RFX8: variants seen among roughly 807,000 people sequenced by gnomAD.
RFX8 encodes DNA-binding protein RFX8.
A neutral mutation model predicts 54.6 loss-of-function variants in RFX8; 46 were observed. The ratio of observed to expected loss-of-function variants is 0.84; its 90% CI spans 0.67 to 1.08. The LOEUF (loss-of-function observed/expected upper bound fraction) is 1.08. Ranked by LOEUF, RFX8 falls within the 50% of genes least tolerant of loss-of-function variation. The pLI is 0.00. For missense variants in RFX8, 536 were observed against 562.3 expected (o/e 0.95, Z 0.47); for synonymous variants, 192 against 209.5 (o/e 0.92, Z 0.72).
At chr2:101,423,943 A>T (rs988769902) in intron 2 of RFX8, among the ~76,000 whole-genome samples, 2 of 152,208 alleles carry the variant, frequency 1.3e-5, no homozygotes, top group Non-Finnish European at 2.9e-5. Context: ...TCTATACTTC[A>T]TAACTCTGTT....
At chr2:101,428,868 C>A in intron 2 of RFX8, 1 of 822,062 alleles carries the variant, frequency 1.2e-6, no homozygotes, top group Non-Finnish European at 2.0e-6. Context: ...GAAGAGTACG[C>A]ACAGAAAAAC....
chr2:101,463,411 T>C (rs933349188), intron 2 of RFX8, among the ~76,000 whole-genome samples: 3 of 152,136 alleles, frequency 2.0e-5, no homozygotes, highest in Admixed American at 6.5e-5. Flanking sequence ...GGCAGGGCTC[T>C]GGCAGGAGAG....
intron 1 of RFX8, among the ~76,000 whole-genome samples, chr2:101,467,949 C>T (rs537252724): frequency 1.3e-5 from 2 of 152,138 alleles, no homozygotes; most frequent in South Asian, 2.1e-4. Context: ...ACAGACAATA[C>T]GTCTCCTTGG....
At chr2:101,424,790 C>G (rs1207016713) in intron 2 of RFX8, among the ~76,000 whole-genome samples, 1 of 152,132 alleles carries the variant, frequency 6.6e-6, no homozygotes, top group Non-Finnish European at 1.5e-5. Context: ...ACTGCATGTT[C>G]TCACTCATAG....
chr2:101,428,845 C>T (rs749385140), intron 2 of RFX8: 4 of 693,084 alleles, frequency 5.8e-6, no homozygotes, highest in South Asian at 3.3e-5. Flanking sequence ...TGGTTAGGGG[C>T]TACCTAGAGT....
rs563002463 is a variant in RFX8, at chr2:101,422,235, C to T, written c.183+127G>A. ...AGCCAGGGAAGGTTGCTGGTCCTCA[C>T]GGGTCCAGCAAAGGCAAACATTATT... On this transcript the variant is annotated intron_variant, in intron 3 of 11. Transcript: ENST00000428343. The T allele has an allele frequency of 4.0e-5, 25 of 630,764 alleles. No individual in the cohort carries two copies. In the East Asian group the frequency reaches 4.5e-4, roughly 11 times the overall value. 39.1% of individuals were successfully genotyped at this position (630,764 alleles called of 1,614,324 possible). A position where few individuals can be genotyped will look rare whatever the true frequency, so the allele number is the denominator to read the frequency against.
At chr2:101,436,099 G>A (rs1260088784) in intron 2 of RFX8, among the ~76,000 whole-genome samples, 1 of 152,208 alleles carries the variant, frequency 6.6e-6, no homozygotes, top group Non-Finnish European at 1.5e-5. Flanking sequence ...GCAGACGGGT[G>A]TGGAGGGAGG....
chr2:101,442,962 ACACC>A (rs1184916182), intron 2 of RFX8, among the ~76,000 whole-genome samples: 1 of 152,124 alleles, frequency 6.6e-6, no homozygotes, highest in Non-Finnish European at 1.5e-5. Flanking sequence ...AGATCGGCTC[ACACC>A]CTCAGTATCT....
Position 101,446,268 on chromosome 2 carries a change from C to A in RFX8, c.72+20509G>T, listed in dbSNP as rs891339460. 3.7e-4 allele frequency among the ~76,000 whole-genome samples: 56 copies of A among 152,158 alleles called. 1 individual carries two copies. The highest frequency in any genetic ancestry group is 1.9e-4 in the East Asian group (1 of 5,186). Reference sequence around the variant, plus strand: ...TCAGCTCATTGCAGCCTCCACCTCCCAGGTTCAAGCGATTCTGCTGCCTCA... The same window carrying A: ...TCAGCTCATTGCAGCCTCCACCTCCAAGGTTCAAGCGATTCTGCTGCCTCA... On this transcript the variant is annotated intron_variant, in intron 2 of 11. Coordinates refer to ENST00000428343, the MANE Select transcript of RFX8 (RefSeq NM_001145664.2).
At chr2:101,455,968 C>A (rs1413837931) in intron 2 of RFX8, among the ~76,000 whole-genome samples, 2 of 152,138 alleles carry the variant, frequency 1.3e-5, no homozygotes, top group East Asian at 3.8e-4. Context: ...ATTTTATTCT[C>A]TTTGTAGCAA....
At chr2:101,418,577 GA>G (rs1219384817) in intron 5 of RFX8, among the ~76,000 whole-genome samples, 80 of 152,296 alleles carry the variant, frequency 5.3e-4, no homozygotes, top group Admixed American at 1.8e-3. Context: ...TTCTTTTACA[GA>G]AATTCCCAGA....
intron 5 of RFX8, 77 bp downstream of exon 5, chr2:101,418,774 G>A (rs1316229265): frequency 2.4e-6 from 2 of 826,956 alleles, no homozygotes; most frequent in Non-Finnish European, 4.1e-6. Flanking sequence ...CAGAGAGGTG[G>A]AGCTGTGGGT....
intron 1 of RFX8, among the ~76,000 whole-genome samples, chr2:101,473,805 T>C (rs543720160): frequency 6.6e-6 from 1 of 152,286 alleles, no homozygotes; most frequent in East Asian, 1.9e-4. Flanking sequence ...CTCCTAAGCT[T>C]TAAATTAGGA....
chr2:101,458,284 T>C (rs758806192), intron 2 of RFX8, among the ~76,000 whole-genome samples: 28 of 152,226 alleles, frequency 1.8e-4, no homozygotes, highest in Non-Finnish European at 2.6e-4. Flanking sequence ...GCCCACTAAT[T>C]GATGCAGTTT....
rs559335880 is a variant in RFX8 at position 101,417,704 on chromosome 2, A to T, written c.352-20T>A. On this transcript the variant is annotated intron_variant, in intron 5 of 11. Transcript: ENST00000428343. ...AATTCCCTACAACAAAAGTAACAAG[A>T]CACTATGATTCTGCTGATGGTGCAG... is the stretch of plus-strand genomic sequence containing the variant. The T allele has an allele frequency of 6.5e-7, 1 of 1,537,400 alleles. No homozygotes were observed. The highest frequency in any genetic ancestry group is 2.5e-5 in the East Asian group (1 of 40,762).
At chr2:101,423,869 G>A (rs1440939990) in intron 2 of RFX8, among the ~76,000 whole-genome samples, 3 of 152,108 alleles carry the variant, frequency 2.0e-5, no homozygotes, top group Non-Finnish European at 4.4e-5. Flanking sequence ...GTATCAACCA[G>A]TACTGCATTG....
intron 2 of RFX8, chr2:101,428,867 G>C: frequency 2.5e-6 from 2 of 812,662 alleles, no homozygotes; most frequent in Admixed American, 2.0e-5. Flanking sequence ...AGAAGAGTAC[G>C]CACAGAAAAA....
chr2:101,468,794 T>A lies in RFX8; in HGVS notation c.-52-1894A>T, dbSNP rs558117743. On this transcript the variant is annotated intron_variant, in intron 1 of 11. Transcript: ENST00000428343. ...CAGGCATCAAGGAAGTAGATTTTTCTGGGATGCTTCCCAAAATCATTGTGG... is the reference window on the plus strand; with the variant it reads ...CAGGCATCAAGGAAGTAGATTTTTCAGGGATGCTTCCCAAAATCATTGTGG... Among the ~76,000 whole-genome samples the A allele has an allele frequency of 2.0e-5, 3 of 151,592 alleles. No homozygotes were observed. The East Asian group carries it at 5.8e-4, about 30-fold the overall frequency.
chr2:101,447,124 A>C (rs890136134), intron 2 of RFX8, among the ~76,000 whole-genome samples: 16 of 152,140 alleles, frequency 1.1e-4, no homozygotes, highest in Non-Finnish European at 2.2e-4. Context: ...CCCTTCTACT[A>C]CACTGACTCA....
Sources: gnomAD v4.1 joint callset for allele counts (sites outside exome capture counted in the v4.1 genomes callset) on GRCh38, gnomAD v4.1.1 for gene constraint, MANE v1.5 for transcripts, NCBI Gene and HGNC (gene_info 2026-07-23, HGNC 2026-07-21) for gene names.